Variants in TET2 observed in about 807,000 individuals in gnomAD.
TET2 encodes tet methylcytosine dioxygenase 2.
TET2 carries 299 observed loss-of-function variants against 142.9 expected under a neutral mutation model. That is an observed-to-expected ratio of 2.09 (90% CI 1.90 to 2.30). The LOEUF is 2.30. Ranked by LOEUF, TET2 falls within the 30% of genes most tolerant of loss-of-function variation. TET2 has a pLI of 0.00. For missense variants in TET2, 2,418 were observed against 2,378.0 expected (o/e 1.02, Z -0.35); for synonymous variants, 819 against 849.0 (o/e 0.96, Z 0.61).
At chr4:105,167,251 C>T (rs1724199058) in intron 1 of TET2, among the ~76,000 whole-genome samples, 1 of 151,796 alleles carries the variant, frequency 6.6e-6, no homozygotes, top group South Asian at 2.1e-4. Flanking sequence ...TATTTCGTGG[C>T]TCAAATCATA....
chr4:105,260,510 T>A (rs957559218), intron 7 of TET2, among the ~76,000 whole-genome samples: 18 of 152,140 alleles, frequency 1.2e-4, no homozygotes, highest in African/African-American at 4.3e-4. Context: ...TCCGTACTAA[T>A]TGAATGATGA....
intron 2 of TET2, among the ~76,000 whole-genome samples, chr4:105,227,007 G>T (rs1728231921): frequency 6.6e-6 from 1 of 152,132 alleles, no homozygotes; most frequent in Non-Finnish European, 1.5e-5. Flanking sequence ...GAGGAAAAAA[G>T]AGTAATATAA....
rs2110288584 is a variant in TET2 at position 105,261,825 on chromosome 4, G to A, written c.4021G>A (p.Ala1341Thr). The change falls in exon 8 of 11, where the codon GCA becomes ACA. Residue 1341 changes from alanine to threonine, a missense_variant. Ala to Thr is a moderately conservative substitution (Grantham distance 58, BLOSUM62 0). Coordinates refer to ENST00000380013, the MANE Select transcript of TET2 (RefSeq NM_001127208.3). ...TLMAPTYKKL[A>T]PDAYNNQIEY... ...TATGGCACCAACATATAAGAAACTT[G>A]CACCTGATGCATATAATAATCAGGT... The A allele has an allele frequency of 6.5e-7, 1 of 1,546,832 alleles. No individual in the cohort carries two copies. The highest frequency in any genetic ancestry group is 8.7e-7 in the Non-Finnish European group (1 of 1,143,778).
intron 1 of TET2, among the ~76,000 whole-genome samples, chr4:105,169,242 G>A (rs541841788): frequency 9.2e-5 from 14 of 152,162 alleles, no homozygotes; most frequent in Admixed American, 4.6e-4. Context: ...CCATGCCAAC[G>A]TCTACTATTT....
At chr4:105,197,858 T>C (rs1726182445) in intron 2 of TET2, among the ~76,000 whole-genome samples, 1 of 152,216 alleles carries the variant, frequency 6.6e-6, no homozygotes, top group Non-Finnish European at 1.5e-5. Context: ...AAGAGTAGTT[T>C]TGTTTTTTAA....
At chr4:105,211,139 T>A (rs986906040) in intron 2 of TET2, among the ~76,000 whole-genome samples, 1 of 152,328 alleles carries the variant, frequency 6.6e-6, no homozygotes, top group South Asian at 2.1e-4. Flanking sequence ...GTACTTTTGT[T>A]CCCTCTAGCT....
chr4:105,172,022 C>G (rs1436347602), intron 1 of TET2, among the ~76,000 whole-genome samples: 1 of 152,052 alleles, frequency 6.6e-6, no homozygotes, highest in East Asian at 1.9e-4. Context: ...GGGAGAAAGC[C>G]TACTGTTTCT....
intron 2 of TET2, among the ~76,000 whole-genome samples, chr4:105,205,256 G>C (rs988799): frequency 0.8 from 122,105 of 152,150 alleles, 49,719 homozygotes; most frequent in African/African-American, 0.94. Context: ...TTTTTTACTT[G>C]TTCTAATACT....
chr4:105,226,262 T>C (rs1728184441), intron 2 of TET2, among the ~76,000 whole-genome samples: 1 of 152,196 alleles, frequency 6.6e-6, no homozygotes, highest in South Asian at 2.1e-4. Flanking sequence ...TGCTTCACCA[T>C]GGGCAGATTC....
rs1185102425 is a variant in TET2 at position 105,148,747 on chromosome 4, TTAA to T, written c.-193+1772_-193+1774del. ...CAATAAATATTGATTTTTTTAAATG[TTAA>T]TAAGCAGAGAACGGTTAATGAAGTG... On this transcript the variant is annotated intron_variant, in intron 1 of 10. Coordinates refer to ENST00000380013, the MANE Select transcript of TET2 (RefSeq NM_001127208.3). Among the ~76,000 whole-genome samples the T allele has an allele frequency of 4.6e-5, 7 of 152,222 alleles. No individual in the cohort carries two copies. The East Asian group carries it at 9.6e-4, about 21-fold the overall frequency.
chr4:105,210,186 T>C (rs768820534), intron 2 of TET2, among the ~76,000 whole-genome samples: 9 of 152,156 alleles, frequency 5.9e-5, no homozygotes, highest in East Asian at 1.9e-4. Flanking sequence ...TAGGAGACGA[T>C]TGAAAATCCA....
Position 105,196,377 on chromosome 4 carries a change from GTGATGTAGAATTCTTGGGGA to G in TET2, c.-47+5873_-47+5892del, listed in dbSNP as rs554144252. ...TTATTTGGTTAATGCAAAAATAGAT[GTGATGTAGAATTCTTGGGGA>G]CACCTACTTATCCCCTTTTCAGAGT... On this transcript the variant is annotated intron_variant, in intron 2 of 10. Coordinates refer to ENST00000380013, the MANE Select transcript of TET2 (RefSeq NM_001127208.3). 2.4e-4 allele frequency among the ~76,000 whole-genome samples: 36 copies of G among 152,232 alleles called. No homozygotes were observed. The South Asian group carries it at 7.3e-3, about 31-fold the overall frequency.
intron 2 of TET2, among the ~76,000 whole-genome samples, chr4:105,218,251 T>A (rs1188146507): frequency 6.6e-6 from 1 of 152,058 alleles, no homozygotes; most frequent in Admixed American, 6.6e-5. Flanking sequence ...ATGTTCCTAG[T>A]GATGTGATCA....
rs2110248977 is a variant in TET2 at position 105,241,386 on chromosome 4, G to C, written c.3457G>C (p.Ala1153Pro). The C allele has an allele frequency of 6.4e-7, 1 of 1,550,734 alleles. No homozygotes were observed. Residue 1153 changes from alanine (A) to proline (P), a missense_variant, in exon 4 of 11, where the codon GCA (alanine) becomes CCA (proline). By Grantham distance (27) the Ala-to-Pro change is conservative (BLOSUM62 -1). Coordinates refer to ENST00000380013, the MANE Select transcript of TET2 (RefSeq NM_001127208.3). ...AGGTCCTTTTTATACCCATCTAGGA[G>C]CAGGTCCTAATGTGGCAGCTATTAG... ...DEGPFYTHLG[A>P]GPNVAAIREI...
Position 105,259,627 on chromosome 4 carries a change from GC to G in TET2, c.3813del (p.Cys1271TrpfsTer92). On this transcript the variant is annotated frameshift_variant, in exon 7 of 11. Transcript: ENST00000380013. LOFTEE classifies it high-confidence loss of function. ...GTCTTTTGATTTTTCAGGAGAACTT[GC>G]GCCTGTCAGGGGCTGGATCCAGAAA... ...RRCALNEERT[C>X]ACQGLDPETC... is the part of the protein sequence containing the mutation. The G allele has an allele frequency of 6.4e-7, 1 of 1,550,724 alleles. No homozygotes were observed. Among genetic ancestry groups the G allele is most frequent in the Non-Finnish European group, 8.7e-7 (1 of 1,146,332 alleles).
chr4:105,202,695 C>T (rs138858334), intron 2 of TET2: 4 of 152,208 alleles, frequency 2.6e-5, no homozygotes. Flanking sequence ...CTTCAGTGGC[C>T]ACAGTGAGCC....
intron 1 of TET2, among the ~76,000 whole-genome samples, chr4:105,165,452 T>C (rs962195512): frequency 3.9e-5 from 6 of 152,214 alleles, no homozygotes; most frequent in African/African-American, 1.4e-4. Flanking sequence ...ATTCCTTACA[T>C]GGCAGTGTCA....
intron 2 of TET2, among the ~76,000 whole-genome samples, chr4:105,224,898 C>T (rs538190473): frequency 6.6e-6 from 1 of 151,774 alleles, no homozygotes; most frequent in African/African-American, 2.4e-5. Context: ...TTTTTGGTTC[C>T]TTGGAAGCCC....
chr4:105,173,373 A>C (rs1045028551), intron 1 of TET2, among the ~76,000 whole-genome samples: 19 of 151,372 alleles, frequency 1.3e-4, no homozygotes, highest in African/African-American at 1.9e-4. Flanking sequence ...CAAAAAAAAA[A>C]AAAAACAAAA....
Sources: allele counts gnomAD v4.1 joint callset (sites outside exome capture counted in the v4.1 genomes callset), GRCh38; gene constraint gnomAD v4.1.1; transcripts MANE v1.5; gene names NCBI Gene and HGNC (gene_info 2026-07-23, HGNC 2026-07-21).